PLCZ1: variants seen among roughly 807,000 people sequenced by gnomAD.
PLCZ1 encodes 1-phosphatidylinositol 4,5-bisphosphate phosphodiesterase zeta-1.
Under a neutral mutation model 76.8 loss-of-function variants are expected in PLCZ1, and 64 were observed. The ratio of observed to expected loss-of-function variants is 0.83; its 90% CI spans 0.68 to 1.03. PLCZ1 has a LOEUF of 1.03. Ranked by LOEUF, PLCZ1 falls within the 50% of genes least tolerant of loss-of-function variation. The pLI is 0.00. For missense variants in PLCZ1, 751 were observed against 713.7 expected, an observed-to-expected ratio of 1.05 and a Z score of -0.60; for synonymous variants, 248 against 230.8, an observed-to-expected ratio of 1.07 and a Z score of -0.68.
intron 13 of PLCZ1, among the ~76,000 whole-genome samples, chr12:18,687,187 G>T (rs967434101): frequency 6.6e-6 from 1 of 152,078 alleles, no homozygotes; most frequent in South Asian, 2.1e-4. Context: ...CTTTTTCCAT[G>T]ACTTTCGCTC....
intron 4 of PLCZ1, among the ~76,000 whole-genome samples, chr12:18,722,169 A>G (rs1482029766): frequency 6.6e-6 from 1 of 151,132 alleles, no homozygotes; most frequent in Admixed American, 6.6e-5. Flanking sequence ...GTTCTTCTGA[A>G]CACCCAACCT....
chr12:18,655,722 CA>C, the PLCZ1 span, among the ~76,000 whole-genome samples: 1 of 145,772 alleles, frequency 6.9e-6, no homozygotes, highest in Non-Finnish European at 1.5e-5. Flanking sequence ...GTTTTCCTCC[CA>C]AAAACTCACA....
chr12:18,667,581 C>A, the PLCZ1 span, among the ~76,000 whole-genome samples: 1 of 152,000 alleles, frequency 6.6e-6, no homozygotes, highest in Non-Finnish European at 1.5e-5. Context: ...ATCCTTTCTT[C>A]ATGATCCTTC....
At chr12:18,728,562 G>A (rs1958879644) in intron 3 of PLCZ1, among the ~76,000 whole-genome samples, 1 of 152,146 alleles carries the variant, frequency 6.6e-6, no homozygotes, top group Non-Finnish European at 1.5e-5. Flanking sequence ...GTGGTCACAG[G>A]ACAGAAGGAG....
At chr12:18,664,128 G>A in the PLCZ1 span, among the ~76,000 whole-genome samples, 472 of 152,246 alleles carry the variant, frequency 3.1e-3, 2 homozygotes, top group African/African-American at 0.011. Flanking sequence ...AATAACAAGC[G>A]AGGGTCAGGA....
At chr12:18,648,661 C>T in the PLCZ1 span, among the ~76,000 whole-genome samples, 3 of 152,046 alleles carry the variant, frequency 2.0e-5, no homozygotes, top group South Asian at 2.1e-4. Context: ...CCCAGAGGCA[C>T]GATTTAAACT....
At chr12:18,657,870 G>T in the PLCZ1 span, among the ~76,000 whole-genome samples, 2 of 152,068 alleles carry the variant, frequency 1.3e-5, no homozygotes, top group African/African-American at 4.8e-5. Context: ...TCATCTATTG[G>T]ACTTACTAGA....
the PLCZ1 span, among the ~76,000 whole-genome samples, chr12:18,652,893 A>ATATGTATATACATGTATATACATG: frequency 6.6e-6 from 1 of 152,038 alleles, no homozygotes; most frequent in African/African-American, 2.4e-5. Flanking sequence ...ACATATACAT[A>ATATGTATATACATGTATATACATG]TATATGTATA....
At chr12:18,676,139 C>T in the PLCZ1 span, among the ~76,000 whole-genome samples, 1 of 152,016 alleles carries the variant, frequency 6.6e-6, no homozygotes, top group Non-Finnish European at 1.5e-5. Flanking sequence ...GACTGTGAGG[C>T]AAGAGACAGC....
chr12:18,694,854 C>A (rs1328917515), intron 12 of PLCZ1, 56 bp downstream of exon 12: 5 of 1,314,560 alleles, frequency 3.8e-6, no homozygotes, highest in Non-Finnish European at 5.3e-6. Flanking sequence ...TACTAATGTA[C>A]ACTATCTAGT....
chr12:18,719,025 G>C (rs905296100), intron 5 of PLCZ1, among the ~76,000 whole-genome samples: 12 of 152,082 alleles, frequency 7.9e-5, no homozygotes, highest in Admixed American at 5.9e-4. Context: ...TTATGTGTTG[G>C]CTTTAGTTAT....
intron 12 of PLCZ1, chr12:18,694,008 G>C: frequency 6.7e-7 from 1 of 1,482,574 alleles, no homozygotes; most frequent in Non-Finnish European, 9.4e-7. Context: ...AGAGAACGTA[G>C]AATGAAAGTA....
intron 5 of PLCZ1, among the ~76,000 whole-genome samples, chr12:18,718,328 T>C (rs12810162): frequency 0.035 from 5,362 of 152,172 alleles, 131 homozygotes; most frequent in East Asian, 0.054. Flanking sequence ...ATCTTCTACC[T>C]CCACTCTGGC....
At chr12:18,717,208 A>T (rs1958087547) in intron 5 of PLCZ1, among the ~76,000 whole-genome samples, 2 of 152,112 alleles carry the variant, frequency 1.3e-5, no homozygotes, top group Non-Finnish European at 2.9e-5. Flanking sequence ...TCTAAATATA[A>T]CTGCTTTAAT....
chr12:18,659,612 T>G, the PLCZ1 span, among the ~76,000 whole-genome samples: 2 of 152,014 alleles, frequency 1.3e-5, no homozygotes, highest in African/African-American at 4.8e-5. Context: ...ACACATTTCA[T>G]TTACGTGTCA....
the PLCZ1 span, among the ~76,000 whole-genome samples, chr12:18,664,038 A>G: frequency 6.6e-6 from 1 of 152,186 alleles, no homozygotes; most frequent in African/African-American, 2.4e-5. Flanking sequence ...AATCAAAACT[A>G]CAATGATATA....
intron 12 of PLCZ1, chr12:18,692,621 A>G: frequency 3.5e-6 from 2 of 576,272 alleles, no homozygotes; most frequent in Non-Finnish European, 6.1e-6. Flanking sequence ...TATGAGGTCA[A>G]CCGCAATGGG....
chr12:18,660,930 T>C, the PLCZ1 span, among the ~76,000 whole-genome samples: 1 of 151,626 alleles, frequency 6.6e-6, no homozygotes, highest in Non-Finnish European at 1.5e-5. Flanking sequence ...AAACAAAGCA[T>C]GAACAAAATA....
chr12:18,648,319 G>T, the PLCZ1 span: 3 of 232,496 alleles, frequency 1.3e-5, no homozygotes, highest in Admixed American at 5.6e-5. Flanking sequence ...TTAAACATAG[G>T]TTTACATTTG....
Sources: allele counts gnomAD v4.1 joint callset (sites outside exome capture counted in the v4.1 genomes callset), GRCh38; gene constraint gnomAD v4.1.1; transcripts MANE v1.5; gene names NCBI Gene and HGNC (gene_info 2026-07-23, HGNC 2026-07-21).